BMS1: variants seen among roughly 807,000 people sequenced by gnomAD.
The protein encoded by BMS1 is BMS1 ribosome biogenesis factor.
BMS1 carries 53 observed loss-of-function variants against 138.7 expected under a neutral mutation model. That is an observed-to-expected ratio of 0.38 (90% CI 0.31 to 0.48). The LOEUF is 0.48. Ranked by LOEUF, BMS1 falls within the 20% of genes least tolerant of loss-of-function variation. The pLI, the probability that BMS1 is intolerant of heterozygous loss-of-function variation, is 0.97. For synonymous variants in BMS1, 504 were observed against 539.9 expected (o/e 0.93, Z 0.92); for missense variants, 1,360 against 1,565.5 (o/e 0.87, Z 2.22).
Position 42,796,695 on chromosome 10 carries a change from A to C in BMS1, c.1451A>C (p.Lys484Thr). The C allele has an allele frequency of 6.2e-7, 1 of 1,614,216 alleles. No individual in the cohort carries two copies. Among genetic ancestry groups the C allele is most frequent in the Non-Finnish European group, 8.5e-7 (1 of 1,180,034 alleles). ...CAGTATATGGCTGTTAAGGGCATCAAACGACGGAAACTTGAGTTGGAAGAA... is the reference window on the plus strand; with the variant it reads ...CAGTATATGGCTGTTAAGGGCATCACACGACGGAAACTTGAGTTGGAAGAA... ...TDQYMAVKGI[K>T]RRKLELEEDS... Residue 484 changes from lysine to threonine, a missense_variant, in exon 10 of 23, where the codon AAA becomes ACA. Coordinates refer to ENST00000374518, the MANE Select transcript of BMS1 (RefSeq NM_014753.4).
Position 42,831,134 on chromosome 10 carries a change from G to A in BMS1, c.*38G>A. 3 of 1,529,996 alleles carry A rather than the reference G, an allele frequency of 2.0e-6. No homozygotes were observed. Among genetic ancestry groups the A allele is most frequent in the Non-Finnish European group, 2.6e-6 (3 of 1,135,048 alleles). The allele number at this position is 1,529,996 out of a possible 1,614,324, so 94.8% of individuals were successfully genotyped here. ...GAGGGACTGTCCCTGGATCTGCGGAGGTAGACAGTTTCAAACATCACAGTT... is the reference window on the plus strand; with the variant it reads ...GAGGGACTGTCCCTGGATCTGCGGAAGTAGACAGTTTCAAACATCACAGTT... On this transcript the variant is annotated 3_prime_UTR_variant, in exon 23 of 23. Coordinates refer to ENST00000374518, the MANE Select transcript of BMS1 (RefSeq NM_014753.4).
At chr10:42,815,110 C>T (rs1343371026) in intron 13 of BMS1, among the ~76,000 whole-genome samples, 2 of 152,128 alleles carry the variant, frequency 1.3e-5, no homozygotes, top group Admixed American at 6.5e-5. Context: ...CTTCTCTAGA[C>T]CAGAAATCCT....
intron 13 of BMS1, 68 bp downstream of exon 13, chr10:42,802,286 A>G: frequency 1.4e-6 from 2 of 1,386,508 alleles, no homozygotes; most frequent in Non-Finnish European, 2.0e-6. Context: ...AGTATCTTAG[A>G]CAATAGTCAA....
rs1842563758 is a variant in BMS1, at chr10:42,823,669, C to T, written c.3341C>T (p.Thr1114Ile). The change falls in exon 21 of 23, where the codon ACA becomes ATA. Residue 1114 changes from threonine to isoleucine, a missense_variant. Thr to Ile is a moderately conservative substitution (Grantham distance 89). Around this residue, in one of 3 missense-constraint regions of BMS1, gnomAD observed 425 missense variants for 568.3 expected, o/e 0.75. Coordinates refer to ENST00000374518, the MANE Select transcript of BMS1 (RefSeq NM_014753.4). ...ATCCCAGCGTTCTATAACCCAGTAA[C>T]ATCTTTGTTGAAACCAGTGGGTGAG... is the stretch of plus-strand genomic sequence containing the variant. ...VSIPAFYNPVTSLLKPVGEKD... is the reference protein window; with the variant it reads ...VSIPAFYNPVISLLKPVGEKD... 2.5e-6 allele frequency: 4 copies of T among 1,595,762 alleles called. No individual in the cohort carries two copies. Among genetic ancestry groups the T allele is most frequent in the Non-Finnish European group, 3.4e-6 (4 of 1,179,534 alleles).
intron 13 of BMS1, among the ~76,000 whole-genome samples, chr10:42,807,688 G>A (rs1389003778): frequency 6.6e-6 from 1 of 152,138 alleles, no homozygotes; most frequent in Non-Finnish European, 1.5e-5. Flanking sequence ...GGATCTTGCT[G>A]TGTTGCTCAG....
chr10:42,803,580 G>A (rs536763257), intron 13 of BMS1, among the ~76,000 whole-genome samples: 2 of 152,066 alleles, frequency 1.3e-5, no homozygotes, highest in African/African-American at 2.4e-5. Context: ...TAAGATACCA[G>A]TTATTAAAAC....
intron 1 of BMS1, among the ~76,000 whole-genome samples, chr10:42,783,969 G>A (rs1342205534): frequency 1.3e-5 from 2 of 152,118 alleles, no homozygotes; most frequent in Non-Finnish European, 2.9e-5. Flanking sequence ...GTGACTATTT[G>A]GAGTTAGAAT....
chr10:42,819,823 G>A (rs185752877), intron 15 of BMS1, among the ~76,000 whole-genome samples: 4 of 152,110 alleles, frequency 2.6e-5, no homozygotes, highest in Non-Finnish European at 4.4e-5. Context: ...ATGGAATCTC[G>A]CTCTATTGCC....
intron 21 of BMS1, among the ~76,000 whole-genome samples, chr10:42,826,388 G>T (rs571978611): frequency 1.3e-5 from 2 of 152,250 alleles, no homozygotes; most frequent in South Asian, 4.1e-4. Context: ...ACTCCCAGGG[G>T]ATGGGAGTGA....
chr10:42,795,299 GTCA>G (rs1481645893), intron 9 of BMS1, among the ~76,000 whole-genome samples: 3 of 151,740 alleles, frequency 2.0e-5, no homozygotes, highest in Non-Finnish European at 4.4e-5. Context: ...TCTTTATGTA[GTCA>G]TCATTTTGTT....
chr10:42,786,979 C>T (rs1841352550), intron 3 of BMS1, among the ~76,000 whole-genome samples, 189 bp from the exon 4 acceptor site: 1 of 152,242 alleles, frequency 6.6e-6, no homozygotes, highest in South Asian at 2.1e-4. Context: ...ATTTAGAACA[C>T]AGCAAGAAAA....
At position 42,784,378 on chromosome 10, in the gene BMS1, A is replaced by C; in HGVS notation, c.-17A>C. ...TCCTTGTAGGTTAGAGTTACTTGTT[A>C]TTGGTAAATAGCCACTATGGAGGCT... On this transcript the variant is annotated 5_prime_UTR_variant, in exon 2 of 23. Coordinates refer to ENST00000374518, the MANE Select transcript of BMS1 (RefSeq NM_014753.4). 2 of 1,583,942 alleles carry C rather than the reference A, an allele frequency of 1.3e-6. No individual in the cohort carries two copies. Among genetic ancestry groups the C allele is most frequent in the Middle Eastern group, 2.2e-4 (1 of 4,540 alleles).
chr10:42,815,370 C>A (rs1046726542), intron 13 of BMS1, among the ~76,000 whole-genome samples: 13 of 152,160 alleles, frequency 8.5e-5, no homozygotes, highest in African/African-American at 3.1e-4. Flanking sequence ...AGCTTTTCTT[C>A]TTTTTTAAAA....
At chr10:42,806,635 T>C (rs1842017967) in intron 13 of BMS1, among the ~76,000 whole-genome samples, 1 of 150,252 alleles carries the variant, frequency 6.7e-6, no homozygotes, top group African/African-American at 2.5e-5. Flanking sequence ...CTCAGGAGGC[T>C]GAGGCAGGAG....
chr10:42,816,510 G>T (rs1336817214), intron 13 of BMS1, 89 bp from the exon 14 acceptor site: 1 of 1,040,092 alleles, frequency 9.6e-7, no homozygotes, highest in South Asian at 1.6e-5. Flanking sequence ...GGCTTGGAAC[G>T]CAGAGCACAC....
chr10:42,817,123 T>G (rs573031516), intron 14 of BMS1, among the ~76,000 whole-genome samples, 195 bp from the exon 15 acceptor site: 1 of 152,246 alleles, frequency 6.6e-6, no homozygotes. Flanking sequence ...CTAATTGTAA[T>G]GCAGATGTAA....
intron 3 of BMS1, 88 bp downstream of exon 3, chr10:42,785,760 A>G (rs1265393163): frequency 2.2e-6 from 3 of 1,384,694 alleles, no homozygotes; most frequent in Non-Finnish European, 3.0e-6. Flanking sequence ...TGAGTGGAAC[A>G]TGTTAAATAT....
At chr10:42,812,378 C>T (rs537585097) in intron 13 of BMS1, among the ~76,000 whole-genome samples, 3 of 152,206 alleles carry the variant, frequency 2.0e-5, no homozygotes, top group African/African-American at 4.8e-5. Context: ...TGGCCTCAAG[C>T]TATCCTTTGT....
intron 13 of BMS1, among the ~76,000 whole-genome samples, chr10:42,815,047 TCTC>T (rs777356848): frequency 2.0e-5 from 3 of 152,178 alleles, no homozygotes; most frequent in Non-Finnish European, 4.4e-5. Flanking sequence ...CTTTCAGAAT[TCTC>T]CTTTGATCAT....
Sources: allele counts gnomAD v4.1 joint callset (sites outside exome capture counted in the v4.1 genomes callset), GRCh38; gene constraint gnomAD v4.1.1; regional missense constraint gnomAD v4.1.1; transcripts MANE v1.5; gene names NCBI Gene and HGNC (gene_info 2026-07-23, HGNC 2026-07-21).